Variants in GOLGA8B observed in about 807,000 individuals in gnomAD.
GOLGA8B encodes golgin subfamily A member 8B.
Under a neutral mutation model 15.6 loss-of-function variants are expected in GOLGA8B, and 1 was observed. That is an observed-to-expected ratio of 0.06 (90% CI 0.02 to 0.30). The LOEUF (loss-of-function observed/expected upper bound fraction) is 0.30, where lower values mean the gene tolerates loss of function less well. GOLGA8B is among the 10% of genes least tolerant of loss of function. The pLI is 1.00. For missense variants in GOLGA8B, 17 were observed against 201.3 expected, an observed-to-expected ratio of 0.08 and a Z score of 5.54; for synonymous variants, 9 against 80.3, an observed-to-expected ratio of 0.11 and a Z score of 4.75.
intron 1 of GOLGA8B, among the ~76,000 whole-genome samples, chr15:34,580,029 T>C (rs1438791151): frequency 6.6e-6 from 1 of 150,414 alleles, no homozygotes; most frequent in African/African-American, 2.5e-5. Context: ...CGGCAATAGG[T>C]GAGGGGCTGG....
At chr15:34,557,644 ATGTGTG>A (rs780443805) in intron 1 of GOLGA8B, among the ~76,000 whole-genome samples, 2 of 76,132 alleles carry the variant, frequency 2.6e-5, no homozygotes, top group East Asian at 3.0e-4. Context: ...GAATTCATGA[ATGTGTG>A]TGTGTGTGTG....
At chr15:34,570,027 C>T (rs1284017264) in intron 1 of GOLGA8B, among the ~76,000 whole-genome samples, 1 of 152,222 alleles carries the variant, frequency 6.6e-6, no homozygotes, top group African/African-American at 2.4e-5. Flanking sequence ...CACTGAGTCA[C>T]ACATGCTGGC....
At chr15:34,573,536 CAAAAAAAAAA>C (rs60984933) in intron 1 of GOLGA8B, among the ~76,000 whole-genome samples, 8 of 86,838 alleles carry the variant, frequency 9.2e-5, no homozygotes, top group South Asian at 8.0e-4. Flanking sequence ...GACTCCGTCT[CAAAAAAAAAA>C]AAAAAAAAAA....
chr15:34,572,654 G>A (rs888261805), intron 1 of GOLGA8B, among the ~76,000 whole-genome samples: 1 of 152,224 alleles, frequency 6.6e-6, no homozygotes, highest in Non-Finnish European at 1.5e-5. Flanking sequence ...TGTGAACAAT[G>A]ATTATCTTTG....
intron 1 of GOLGA8B, among the ~76,000 whole-genome samples, chr15:34,579,439 C>A (rs369108003): frequency 3.4e-4 from 52 of 152,220 alleles, no homozygotes; most frequent in African/African-American, 1.0e-3. Context: ...CATCCACATC[C>A]GAGGTGACTG....
At chr15:34,578,136 G>C (rs1476435941) in intron 1 of GOLGA8B, among the ~76,000 whole-genome samples, 1 of 152,212 alleles carries the variant, frequency 6.6e-6, no homozygotes, top group Non-Finnish European at 1.5e-5. Context: ...CCTCAGAACT[G>C]TCTTTGCCTG....
At chr15:34,581,938 AG>A in intron 1 of GOLGA8B, among the ~76,000 whole-genome samples, 1 of 152,270 alleles carries the variant, frequency 6.6e-6, no homozygotes, top group South Asian at 2.1e-4. Context: ...GAGCCCACCG[AG>A]GGCTGCCGGC....
At chr15:34,567,042 G>C (rs1435053653) in intron 1 of GOLGA8B, among the ~76,000 whole-genome samples, 1 of 118,090 alleles carries the variant, frequency 8.5e-6, no homozygotes, top group East Asian at 2.1e-4. Context: ...AGTCAGCCTG[G>C]GGAGAGTACC....
intron 1 of GOLGA8B, among the ~76,000 whole-genome samples, chr15:34,582,578 G>C (rs187939232): frequency 9.2e-5 from 14 of 152,300 alleles, no homozygotes; most frequent in African/African-American, 3.1e-4. Context: ...TATCTCAAGA[G>C]ATCTGAAAAA....
chr15:34,581,818 G>A (rs80296838), intron 1 of GOLGA8B, among the ~76,000 whole-genome samples: 3 of 152,152 alleles, frequency 2.0e-5, no homozygotes, highest in African/African-American at 4.8e-5. Flanking sequence ...GGCACAGACC[G>A]CACTTCCTAA....
At position 34,574,635 on chromosome 15, in the gene GOLGA8B, T is replaced by C. The variant is rs34027622; in HGVS notation, c.-1123+8881A>G. Among the ~76,000 whole-genome samples, 22 of 152,014 alleles carry C rather than the reference T, an allele frequency of 1.4e-4. No individual in the cohort carries two copies. The South Asian group carries it at 2.1e-3, about 14-fold the overall frequency. On this transcript the variant is annotated intron_variant, in intron 1 of 23. Transcript: ENST00000683415. ...TCAGATTTCTAAGGAGCCTAACAAG[T>C]AGCAGGCCTTTCCAGCTACAGCACA...
chr15:34,564,414 G>C (rs1393812107), intron 1 of GOLGA8B, among the ~76,000 whole-genome samples: 16 of 137,088 alleles, frequency 1.2e-4, no homozygotes, highest in Non-Finnish European at 2.0e-4. Flanking sequence ...CTGCTGTAAA[G>C]ATGTATAAGG....
chr15:34,573,745 T>C (rs1888989495), intron 1 of GOLGA8B, among the ~76,000 whole-genome samples: 1 of 152,066 alleles, frequency 6.6e-6, no homozygotes, highest in Non-Finnish European at 1.5e-5. Flanking sequence ...ATCCACCTAC[T>C]GCTCTGCAAA....
chr15:34,573,236 T>G (rs1265904855), intron 1 of GOLGA8B, among the ~76,000 whole-genome samples: 3 of 152,118 alleles, frequency 2.0e-5, no homozygotes, highest in Non-Finnish European at 4.4e-5. Flanking sequence ...AGACAAGCAC[T>G]TTAAAATTCA....
intron 1 of GOLGA8B, among the ~76,000 whole-genome samples, chr15:34,571,778 G>C (rs1231542976): frequency 1.3e-5 from 2 of 152,122 alleles, no homozygotes; most frequent in Non-Finnish European, 2.9e-5. Flanking sequence ...CTCTAAGTAA[G>C]ATACAAAATT....
At chr15:34,557,646 G>A (rs1321941150) in intron 1 of GOLGA8B, among the ~76,000 whole-genome samples, 2 of 72,252 alleles carry the variant, frequency 2.8e-5, no homozygotes, top group Non-Finnish European at 6.5e-5. Flanking sequence ...ATTCATGAAT[G>A]TGTGTGTGTG....
At chr15:34,564,355 T>TTAAAAA (rs530527773) in intron 1 of GOLGA8B, among the ~76,000 whole-genome samples, 2 of 105,472 alleles carry the variant, frequency 1.9e-5, no homozygotes, top group Admixed American at 9.7e-5. Flanking sequence ...TGTAGATTCT[T>TTAAAAA]AAAAAAAAAA....
intron 1 of GOLGA8B, among the ~76,000 whole-genome samples, chr15:34,575,341 C>G (rs139235057): frequency 6.6e-6 from 1 of 151,306 alleles, no homozygotes; most frequent in East Asian, 2.0e-4. Context: ...CCTCTCGCCT[C>G]TGGATGCACC....
At chr15:34,581,972 T>C (rs1411018965) in intron 1 of GOLGA8B, among the ~76,000 whole-genome samples, 11 of 152,226 alleles carry the variant, frequency 7.2e-5, no homozygotes, top group South Asian at 2.1e-4. Context: ...GGTCCAGCTT[T>C]ATCTGCTCAC....
Sources: allele counts gnomAD v4.1 joint callset (sites outside exome capture counted in the v4.1 genomes callset), GRCh38; gene constraint gnomAD v4.1.1; transcripts MANE v1.5; gene names NCBI Gene and HGNC (gene_info 2026-07-23, HGNC 2026-07-21).